The following ECHDC1 variants were observed in gnomAD, a reference collection of about 807,000 sequenced individuals.
ECHDC1 encodes the protein ethylmalonyl-CoA decarboxylase 1.
In ECHDC1, 29 loss-of-function variants were observed where a neutral mutation model predicts 29.7. That is an observed-to-expected ratio of 0.98 (90% CI 0.73 to 1.33). The LOEUF (loss-of-function observed/expected upper bound fraction) is 1.33. Ranked by LOEUF, ECHDC1 falls within the 40% of genes most tolerant of loss-of-function variation. The pLI is 0.00. For synonymous variants in ECHDC1, 126 were observed against 123.1 expected, an observed-to-expected ratio of 1.02 and a Z score of -0.15; for missense variants, 328 against 350.0, an observed-to-expected ratio of 0.94 and a Z score of 0.50.
intron 3 of ECHDC1, among the ~76,000 whole-genome samples, chr6:127,320,299 G>C (rs1051290053): frequency 6.6e-6 from 1 of 152,186 alleles, no homozygotes; most frequent in African/African-American, 2.4e-5. Flanking sequence ...TTACAGGTGT[G>C]AGCTACCGTG....
In ECHDC1 at chr6:127,330,847, A is replaced by C. The variant is rs1783858914; in HGVS notation, c.182T>G (p.Leu61Arg). ...LQKEDNGIGI[L>R]TLNNPSRMNA... ...CATTCTACTTGGATTGTTCAGAGTA[A>C]GAATGCCAATGCCATTGTCTTCCTT... The change falls in exon 2 of 6, where the codon CTT becomes CGT. Residue 61 changes from leucine (L) to arginine (R), a missense_variant. Leu to Arg is a moderately radical substitution (Grantham distance 102, BLOSUM62 -2). Coordinates refer to ENST00000454859, the MANE Select transcript of ECHDC1 (RefSeq NM_001002030.2). 6.2e-7 allele frequency: 1 copy of C among 1,613,990 alleles called. No homozygotes were observed. Among genetic ancestry groups the C allele is most frequent in the Non-Finnish European group, 8.5e-7 (1 of 1,180,006 alleles).
chr6:127,295,493 G>A (rs1780525719), intron 5 of ECHDC1, among the ~76,000 whole-genome samples: 1 of 152,124 alleles, frequency 6.6e-6, no homozygotes, highest in Admixed American at 6.5e-5. Flanking sequence ...AGAAAATGCA[G>A]AGAATTCATA....
chr6:127,290,344 C>G (rs1780047302), intron 5 of ECHDC1, 67 bp from the exon 6 acceptor site: 1 of 1,463,486 alleles, frequency 6.8e-7, no homozygotes, highest in Non-Finnish European at 9.2e-7. Flanking sequence ...AAGTACTATC[C>G]ATTCATGATC....
intron 5 of ECHDC1, among the ~76,000 whole-genome samples, chr6:127,292,390 T>C (rs1374058802): frequency 6.6e-6 from 1 of 152,084 alleles, no homozygotes; most frequent in Non-Finnish European, 1.5e-5. Context: ...AGTGTGTCTT[T>C]TGGAATCATA....
chr6:127,343,265 G>A (rs1785126029), intron 1 of ECHDC1, 71 bp downstream of exon 1: 1 of 152,206 alleles, frequency 6.6e-6, no homozygotes, highest in Non-Finnish European at 1.5e-5. Context: ...CCATTCCACG[G>A]CGACATTTTA....
intron 5 of ECHDC1, 98 bp downstream of exon 5, chr6:127,314,718 C>T: frequency 1.2e-6 from 1 of 836,582 alleles, no homozygotes; most frequent in South Asian, 1.9e-5. Context: ...ATAGGTTTAT[C>T]CTATTTAAGA....
chr6:127,309,074 T>A (rs989729526), intron 5 of ECHDC1, among the ~76,000 whole-genome samples: 3 of 152,078 alleles, frequency 2.0e-5, no homozygotes, highest in African/African-American at 7.2e-5. Context: ...AAAATACCAA[T>A]GACATTCTTC....
At chr6:127,294,665 T>C (rs180690119) in intron 5 of ECHDC1, 1 of 152,266 alleles carries the variant, frequency 6.6e-6, no homozygotes, top group Admixed American at 6.5e-5. Flanking sequence ...TTTGTGATAC[T>C]GAAGTCTGAT....
In ECHDC1 at chr6:127,289,313, A is replaced by AAAG. The variant is rs1156779750; in HGVS notation, c.*553_*555dup. ...TAGAAAACTAATTATTGAAAAGAAC[A>AAAG]AAGTTCCAAATTTGTAGTGGGTAGT... On this transcript the variant is annotated 3_prime_UTR_variant, in exon 6 of 6. Transcript: ENST00000454859. The AAAG allele has an allele frequency of 3.3e-5, 5 of 152,120 alleles. No homozygotes were observed. Among genetic ancestry groups the AAAG allele is most frequent in the African/African-American group, 1.2e-4 (5 of 41,450 alleles). The allele number at this position is 152,120 out of a possible 1,614,324, so 9.4% of individuals were successfully genotyped here.
Position 127,329,758 on chromosome 6 carries a change from T to C in ECHDC1, c.220+1051A>G, listed in dbSNP as rs79980457. 8.3e-4 allele frequency: 272 copies of C among 328,278 alleles called. 3 individuals are homozygous for C. The highest frequency in any genetic ancestry group is 6.0e-3 in the East Asian group (67 of 11,210). The allele number at this position is 328,278 out of a possible 1,614,324, so 20.3% of individuals were successfully genotyped here. ...ATAAGTGAATTGTTAAACTTAATTTTACCTTTTTTAAATTTTTTTAAACTA... is the reference window on the plus strand; with the variant it reads ...ATAAGTGAATTGTTAAACTTAATTTCACCTTTTTTAAATTTTTTTAAACTA... On this transcript the variant is annotated intron_variant, in intron 2 of 5. Transcript: ENST00000454859.
At chr6:127,306,560 T>C (rs955681766) in intron 5 of ECHDC1, among the ~76,000 whole-genome samples, 6 of 152,210 alleles carry the variant, frequency 3.9e-5, no homozygotes, top group Admixed American at 1.3e-4. Flanking sequence ...CTTTTCTCTC[T>C]TTCTCCTGCT....
chr6:127,340,618 A>G (rs1462160731), intron 1 of ECHDC1, among the ~76,000 whole-genome samples: 4 of 152,186 alleles, frequency 2.6e-5, no homozygotes, highest in Non-Finnish European at 5.9e-5. Context: ...GCCGTTAATC[A>G]GGTATGAAGA....
At chr6:127,325,991 C>T (rs566517508) in intron 3 of ECHDC1, among the ~76,000 whole-genome samples, 30 of 152,230 alleles carry the variant, frequency 2.0e-4, no homozygotes, top group Admixed American at 2.0e-3. Context: ...GTGTGAGCCA[C>T]CATGCTAAAA....
chr6:127,311,366 G>A (rs1781883743), intron 5 of ECHDC1, among the ~76,000 whole-genome samples: 1 of 152,040 alleles, frequency 6.6e-6, no homozygotes, highest in South Asian at 2.1e-4. Context: ...ATACACCACA[G>A]AAATGTTAAC....
intron 3 of ECHDC1, among the ~76,000 whole-genome samples, chr6:127,319,410 TTATC>T (rs1032126452): frequency 2.0e-5 from 3 of 152,308 alleles, no homozygotes; most frequent in Admixed American, 1.3e-4. Context: ...AGAATAAAAG[TTATC>T]TATCATTATT....
At chr6:127,332,269 C>G (rs974645262) in intron 1 of ECHDC1, among the ~76,000 whole-genome samples, 1 of 152,152 alleles carries the variant, frequency 6.6e-6, no homozygotes, top group African/African-American at 2.4e-5. Flanking sequence ...ATTTTATTAG[C>G]ATCCATTAGT....
chr6:127,302,231 A>G (rs1040690865), intron 5 of ECHDC1, among the ~76,000 whole-genome samples: 24 of 152,284 alleles, frequency 1.6e-4, no homozygotes, highest in African/African-American at 5.1e-4. Flanking sequence ...CATAGATGAG[A>G]AATCAATATG....
chr6:127,329,781 CTA>C lies in ECHDC1; in HGVS notation c.220+1026_220+1027del, dbSNP rs1368864202. 1.2e-5 allele frequency: 4 copies of C among 340,590 alleles called. No individual in the cohort carries two copies. The East Asian group carries it at 3.7e-4, about 32-fold the overall frequency. The allele number at this position is 340,590 out of a possible 1,614,324, so 21.1% of individuals were successfully genotyped here. ...TTTACCTTTTTTAAATTTTTTTAAACTATGGTTACTAGAATATTTAAAATTGC... is the reference window on the plus strand; with the variant it reads ...TTTACCTTTTTTAAATTTTTTTAAACTGGTTACTAGAATATTTAAAATTGC... On this transcript the variant is annotated intron_variant, in intron 2 of 5. Coordinates refer to ENST00000454859, the MANE Select transcript of ECHDC1 (RefSeq NM_001002030.2).
intron 1 of ECHDC1, among the ~76,000 whole-genome samples, chr6:127,339,364 A>C (rs1474641183): frequency 6.6e-6 from 1 of 151,290 alleles, no homozygotes; most frequent in African/African-American, 2.4e-5. Context: ...TTTTACATTA[A>C]ATTTTTGTGG....
Sources: gnomAD v4.1 joint callset for allele counts (sites outside exome capture counted in the v4.1 genomes callset) on GRCh38, gnomAD v4.1.1 for gene constraint, MANE v1.5 for transcripts, NCBI Gene and HGNC (gene_info 2026-07-23, HGNC 2026-07-21) for gene names.